EEIG2: variants seen among roughly 807,000 people sequenced by gnomAD.
EEIG2 encodes family with sequence similarity 102 member B.
chr1:108,579,772 T>TGTGTGTGAGAGAGAGAGAGAGAGAGA, the EEIG2 span, among the ~76,000 whole-genome samples: 12 of 58,866 alleles, frequency 2.0e-4, no homozygotes, highest in South Asian at 1.8e-3. Flanking sequence ...TGTGTGTGTG[T>TGTGTGTGAGAGAGAGAGAGAGAGAGA]GAGAGAGAGA....
chr1:108,606,177 A>G, the EEIG2 span: 3 of 1,250,132 alleles, frequency 2.4e-6, no homozygotes, highest in Admixed American at 2.3e-5. Flanking sequence ...TTAATTTTAA[A>G]TCTTTCATTA....
the EEIG2 span, among the ~76,000 whole-genome samples, chr1:108,567,191 A>G: frequency 6.6e-6 from 1 of 152,300 alleles, no homozygotes; most frequent in South Asian, 2.1e-4. Flanking sequence ...AATTCCTTAT[A>G]CCCTGACCAG....
At chr1:108,634,906 C>T in the EEIG2 span, among the ~76,000 whole-genome samples, 1 of 152,196 alleles carries the variant, frequency 6.6e-6, no homozygotes, top group South Asian at 2.1e-4. Flanking sequence ...GTGAGAGAAT[C>T]AGGATCTAGG....
At chr1:108,635,153 G>A in the EEIG2 span, 1 of 1,614,190 alleles carries the variant, frequency 6.2e-7, no homozygotes, top group South Asian at 1.1e-5. Context: ...AACGCTAGAA[G>A]TCAAGTCGGT....
chr1:108,588,281 A>G, the EEIG2 span, among the ~76,000 whole-genome samples: 1 of 152,140 alleles, frequency 6.6e-6, no homozygotes, highest in Admixed American at 6.6e-5. Flanking sequence ...TTTGAGGAAT[A>G]TCCATACTGT....
At chr1:108,579,738 GGTGTGTGTGTGTGT>G in the EEIG2 span, among the ~76,000 whole-genome samples, 42 of 108,042 alleles carry the variant, frequency 3.9e-4, no homozygotes, top group African/African-American at 1.5e-3. Context: ...TTGTTTTTTT[GGTGTGTGTGTGTGT>G]GTGTGTGTGT....
the EEIG2 span, chr1:108,628,018 T>A: frequency 1.6e-6 from 1 of 637,862 alleles, no homozygotes; most frequent in Non-Finnish European, 2.8e-6. Context: ...GTTACTTCCA[T>A]TGCACTGACT....
the EEIG2 span, among the ~76,000 whole-genome samples, chr1:108,623,230 T>G: frequency 9.2e-5 from 14 of 152,134 alleles, no homozygotes; most frequent in African/African-American, 3.4e-4. Context: ...TCCCAGCACT[T>G]TGAGAGGCTG....
chr1:108,583,444 C>T, the EEIG2 span, among the ~76,000 whole-genome samples: 1 of 150,320 alleles, frequency 6.7e-6, no homozygotes, highest in African/African-American at 2.5e-5. Flanking sequence ...GTCCAACCCT[C>T]CTGCTTTTTT....
the EEIG2 span, among the ~76,000 whole-genome samples, chr1:108,584,158 A>G: frequency 6.6e-6 from 1 of 152,132 alleles, no homozygotes; most frequent in Non-Finnish European, 1.5e-5. Context: ...AGAAAAGGAG[A>G]AAAATGCAAT....
At chr1:108,576,308 T>A in the EEIG2 span, among the ~76,000 whole-genome samples, 250 of 152,312 alleles carry the variant, frequency 1.6e-3, 1 homozygote, top group African/African-American at 5.5e-3. Flanking sequence ...GCATTTTTTT[T>A]ATTATACTTT....
the EEIG2 span, chr1:108,616,368 T>G: frequency 6.4e-7 from 1 of 1,566,568 alleles, no homozygotes; most frequent in South Asian, 1.1e-5. Context: ...TGATATTTCT[T>G]GTTTTATATT....
At chr1:108,578,547 A>G in the EEIG2 span, among the ~76,000 whole-genome samples, 5 of 146,960 alleles carry the variant, frequency 3.4e-5, no homozygotes, top group East Asian at 2.0e-4. Context: ...TTCTGCATCT[A>G]TTGAGATAAT....
chr1:108,606,590 G>C, the EEIG2 span, among the ~76,000 whole-genome samples: 5 of 152,318 alleles, frequency 3.3e-5, no homozygotes, highest in South Asian at 1.0e-3. Flanking sequence ...CCTTTATGCT[G>C]TCTTAGCACT....
the EEIG2 span, chr1:108,636,485 ATTATT>A: frequency 6.6e-6 from 1 of 152,224 alleles, no homozygotes; most frequent in East Asian, 1.9e-4. Context: ...AGGAAATTAT[ATTATT>A]TTAATATCCA....
At chr1:108,628,951 CTT>C in the EEIG2 span, 1 of 638,644 alleles carries the variant, frequency 1.6e-6, no homozygotes, top group Non-Finnish European at 2.5e-6. Flanking sequence ...ATCAAGATAA[CTT>C]TATAGCTCAT....
At chr1:108,621,759 A>G in the EEIG2 span, among the ~76,000 whole-genome samples, 1 of 152,176 alleles carries the variant, frequency 6.6e-6, no homozygotes, top group African/African-American at 2.4e-5. Flanking sequence ...ATTAATGACT[A>G]TGACTGTAGG....
chr1:108,602,445 C>T, the EEIG2 span, among the ~76,000 whole-genome samples: 1 of 152,196 alleles, frequency 6.6e-6, no homozygotes, highest in African/African-American at 2.4e-5. Context: ...TTATTCCATT[C>T]ACGTGATTGT....
the EEIG2 span, among the ~76,000 whole-genome samples, chr1:108,603,622 G>A: frequency 6.6e-6 from 1 of 152,128 alleles, no homozygotes; most frequent in South Asian, 2.1e-4. Flanking sequence ...CATACGAAGA[G>A]ACATGACTAC....
Sources: gnomAD v4.1 joint callset for allele counts (sites outside exome capture counted in the v4.1 genomes callset) on GRCh38, gnomAD v4.1.1 for gene constraint, MANE v1.5 for transcripts, NCBI Gene and HGNC (gene_info 2026-07-23, HGNC 2026-07-21) for gene names.